Variants in ZFAND3 observed in about 807,000 individuals in gnomAD.
The protein encoded by ZFAND3 is AN1-type zinc finger protein 3.
A neutral mutation model predicts 29.6 loss-of-function variants in ZFAND3; 10 were observed. The ratio of observed to expected loss-of-function variants is 0.34; its 90% confidence interval spans 0.21 to 0.57. The LOEUF is 0.57. Among genes scored for constraint, ZFAND3 ranks in the 20% least tolerant of loss-of-function variants. ZFAND3 has a pLI of 0.86. For missense variants in ZFAND3, 230 were observed against 304.5 expected (o/e 0.76, Z 1.82); for synonymous variants, 128 against 112.6 (o/e 1.14, Z -0.87).
intron 1 of ZFAND3, among the ~76,000 whole-genome samples, chr6:37,899,892 C>T (rs1453414513): frequency 6.6e-6 from 1 of 152,174 alleles, no homozygotes; most frequent in Non-Finnish European, 1.5e-5. Context: ...TTGTACTGTG[C>T]TTAACCATTA....
At chr6:38,119,051 A>T (rs1765475751) in intron 5 of ZFAND3, among the ~76,000 whole-genome samples, 1 of 152,194 alleles carries the variant, frequency 6.6e-6, no homozygotes, top group South Asian at 2.1e-4. Flanking sequence ...TCTCAACAGG[A>T]TGTAACTTTC....
intron 2 of ZFAND3, among the ~76,000 whole-genome samples, chr6:37,936,083 A>T (rs962021747): frequency 1.3e-5 from 2 of 152,136 alleles, no homozygotes. Flanking sequence ...ATTCATGATG[A>T]CCTCTTGTTC....
rs70981523 is a variant in ZFAND3, at chr6:38,120,320, C to CTTTTTTTTTTTTTTTTTTTT, written c.529+3592_529+3611dup. 7.4e-4 allele frequency among the ~76,000 whole-genome samples: 45 copies of CTTTTTTTTTTTTTTTTTTTT among 60,732 alleles called. 8 individuals carry two copies. Among genetic ancestry groups the CTTTTTTTTTTTTTTTTTTTT allele is most frequent in the Admixed American group, 9.6e-4 (4 of 4,152 alleles). 39.8% of individuals were successfully genotyped at this position (60,732 alleles called of 152,430 possible). A position where few individuals can be genotyped will look rare whatever the true frequency, so the allele number is the denominator to read the frequency against. ...TGATTGATACACGTAGCTTGGCTTC[C>CTTTTTTTTTTTTTTTTTTTT]TTTTTTTTTTTTTTTTTTTTTTTTT... On this transcript the variant is annotated intron_variant, in intron 5 of 5. Coordinates refer to ENST00000287218, the MANE Select transcript of ZFAND3 (RefSeq NM_021943.3).
chr6:38,014,524 G>T (rs1763220738), intron 2 of ZFAND3, among the ~76,000 whole-genome samples: 1 of 151,988 alleles, frequency 6.6e-6, no homozygotes, highest in African/African-American at 2.4e-5. Context: ...ACGGGGTTTT[G>T]TCATATGAGT....
intron 2 of ZFAND3, among the ~76,000 whole-genome samples, chr6:37,957,122 G>A (rs1762097349): frequency 6.6e-6 from 1 of 152,172 alleles, no homozygotes; most frequent in Non-Finnish European, 1.5e-5. Context: ...GAGTTACTGT[G>A]TTTGAAACGA....
At chr6:37,957,440 T>C (rs1762104044) in intron 2 of ZFAND3, among the ~76,000 whole-genome samples, 1 of 152,138 alleles carries the variant, frequency 6.6e-6, no homozygotes, top group Admixed American at 6.5e-5. Flanking sequence ...TGCTTTACAG[T>C]AGGTTTGTAA....
intron 2 of ZFAND3, among the ~76,000 whole-genome samples, chr6:38,030,422 A>G (rs1401656840): frequency 6.6e-6 from 1 of 152,124 alleles, no homozygotes; most frequent in Non-Finnish European, 1.5e-5. Flanking sequence ...ATCAAAACAT[A>G]CAAAATATAG....
At position 37,958,347 on chromosome 6, in the gene ZFAND3, G is replaced by A. The variant is rs529474892; in HGVS notation, c.112+28348G>A. Among the ~76,000 whole-genome samples the A allele has an allele frequency of 2.9e-3, 434 of 150,520 alleles. 2 individuals are homozygous for A. Among genetic ancestry groups the A allele is most frequent in the African/African-American group, 1.0e-2 (412 of 41,382 alleles). The stretch of plus-strand genomic sequence containing the variant: ...CGGGCGCCTGTAACCCCAGCTCCTC[G>A]GGAGGCTGAGGCAGGAGAATCGCTT... On this transcript the variant is annotated intron_variant, in intron 2 of 5. Transcript: ENST00000287218.
chr6:37,891,847 G>A (rs1342033817), intron 1 of ZFAND3, among the ~76,000 whole-genome samples: 2 of 151,954 alleles, frequency 1.3e-5, no homozygotes, highest in Non-Finnish European at 2.9e-5. Context: ...TCCTATCTCA[G>A]CCTCCCGAGT....
At chr6:37,920,289 T>C (rs1193479497) in intron 1 of ZFAND3, among the ~76,000 whole-genome samples, 2 of 151,996 alleles carry the variant, frequency 1.3e-5, no homozygotes, top group East Asian at 1.9e-4. Flanking sequence ...AAAAATTATT[T>C]GGCATTTTAA....
intron 2 of ZFAND3, among the ~76,000 whole-genome samples, chr6:38,043,294 A>G (rs1268200899): frequency 4.1e-5 from 6 of 147,504 alleles, no homozygotes; most frequent in Non-Finnish European, 8.9e-5. Context: ...TATTCTGTTT[A>G]TTTAAAATGT....
At chr6:37,897,930 G>C (rs934072660) in intron 1 of ZFAND3, among the ~76,000 whole-genome samples, 1 of 151,922 alleles carries the variant, frequency 6.6e-6, no homozygotes, top group Non-Finnish European at 1.5e-5. Flanking sequence ...TATAGTTTAC[G>C]CACATACCCA....
intron 1 of ZFAND3, among the ~76,000 whole-genome samples, chr6:37,871,790 C>G (rs1214248416): frequency 6.6e-6 from 1 of 152,064 alleles, no homozygotes; most frequent in East Asian, 1.9e-4. Flanking sequence ...GAAATGCATC[C>G]TAGACATTGT....
At chr6:37,937,722 A>G (rs2127415789) in intron 2 of ZFAND3, among the ~76,000 whole-genome samples, 1 of 150,664 alleles carries the variant, frequency 6.6e-6, no homozygotes, top group African/African-American at 2.4e-5. Flanking sequence ...TGAATAGAGT[A>G]TTTCTGTTTT....
intron 2 of ZFAND3, among the ~76,000 whole-genome samples, chr6:38,003,531 T>G (rs1264151475): frequency 1.1e-4 from 16 of 151,826 alleles, no homozygotes; most frequent in Non-Finnish European, 1.5e-5. Context: ...GGTGCCTCAC[T>G]TTTGTCGCCC....
intron 2 of ZFAND3, among the ~76,000 whole-genome samples, chr6:38,035,181 AGTGT>A (rs1763634935): frequency 2.0e-5 from 3 of 152,138 alleles, no homozygotes; most frequent in Non-Finnish European, 4.4e-5. Context: ...CTATAGCTGA[AGTGT>A]GTAACTCGAG....
intron 2 of ZFAND3, among the ~76,000 whole-genome samples, chr6:37,954,263 AT>A (rs1762048145): frequency 6.6e-6 from 1 of 152,096 alleles, no homozygotes; most frequent in Non-Finnish European, 1.5e-5. Flanking sequence ...TATACATTTC[AT>A]TAAATAGAAA....
intron 2 of ZFAND3, among the ~76,000 whole-genome samples, chr6:37,951,344 A>G (rs1365376413): frequency 6.6e-6 from 1 of 152,114 alleles, no homozygotes; most frequent in African/African-American, 2.4e-5. Context: ...TGAAATCCCA[A>G]CACTTTGGGA....
intron 1 of ZFAND3, among the ~76,000 whole-genome samples, chr6:37,829,047 A>C (rs907621729): frequency 6.6e-6 from 1 of 152,152 alleles, no homozygotes; most frequent in Non-Finnish European, 1.5e-5. Flanking sequence ...TTGCTTGTAC[A>C]TACAAAATTT....
Sources: allele counts gnomAD v4.1 joint callset (sites outside exome capture counted in the v4.1 genomes callset), GRCh38; gene constraint gnomAD v4.1.1; transcripts MANE v1.5; gene names NCBI Gene and HGNC (gene_info 2026-07-23, HGNC 2026-07-21).